Variants in CACNA1E observed in about 807,000 individuals in gnomAD.
CACNA1E encodes the protein voltage-dependent R-type calcium channel subunit alpha-1E.
A neutral mutation model predicts 259.2 loss-of-function variants in CACNA1E; 40 were observed. The observed-to-expected ratio is 0.15, with a 90% CI of 0.12 to 0.20. CACNA1E has a LOEUF of 0.20. Ranked by LOEUF, CACNA1E falls within the 10% of genes least tolerant of loss-of-function variation. The pLI is 1.00. For synonymous variants in CACNA1E, 1,104 were observed against 1,138.5 expected (o/e 0.97, Z 0.61); for missense variants, 1,874 against 3,040.1 (o/e 0.62, Z 9.02).
In CACNA1E at chr1:181,669,515, T is replaced by C. The variant is rs570274004; in HGVS notation, c.1055+18074T>C. On this transcript the variant is annotated intron_variant, in intron 7 of 47. Transcript: ENST00000367573. The stretch of plus-strand genomic sequence containing the variant: ...TCATCTGGGTTCCCATTGCACTATA[T>C]ATACTCCTCTATTAGAGCACTCGTT... Among the ~76,000 whole-genome samples the C allele has an allele frequency of 3.9e-5, 6 of 152,360 alleles. No homozygotes were observed. The East Asian group carries it at 1.2e-3, about 29-fold the overall frequency.
At chr1:181,424,755 C>T (rs1659029420) in intron 2 of CACNA1E, among the ~76,000 whole-genome samples, 1 of 152,200 alleles carries the variant, frequency 6.6e-6, no homozygotes, top group East Asian at 1.9e-4. Flanking sequence ...CCAGTTCTTC[C>T]CTTCTAAGGC....
chr1:181,732,432 C>T lies in CACNA1E; in HGVS notation c.2346C>T (p.Thr782=). ...ACATGTCCGTGTGGGAGCAGCGTAC[C>T]AGCCAGCTGAGGAAGCACATGCAGA... is the stretch of plus-strand genomic sequence containing the variant. The part of the protein sequence containing the change: ...RHHMSVWEQR[T]SQLRKHMQMS... Residue 782 remains threonine (T), a synonymous_variant, in exon 20 of 48, where the codon ACC becomes ACT. Transcript: ENST00000367573. The surrounding 1 kb of genome is among the most constrained non-coding windows in gnomAD (Gnocchi z 5.5). 6.5e-7 allele frequency: 1 copy of T among 1,547,748 alleles called. No individual in the cohort carries two copies. The highest frequency in any genetic ancestry group is 1.2e-5 in the South Asian group (1 of 83,416).
intron 7 of CACNA1E, among the ~76,000 whole-genome samples, chr1:181,670,515 G>A (rs1399726213): frequency 6.6e-6 from 1 of 152,166 alleles, no homozygotes; most frequent in East Asian, 1.9e-4. Flanking sequence ...GAGATGCCGT[G>A]TTCCACAGAG....
At chr1:181,515,826 G>T (rs562700205) in intron 3 of CACNA1E, among the ~76,000 whole-genome samples, 28 of 152,320 alleles carry the variant, frequency 1.8e-4, no homozygotes, top group African/African-American at 6.5e-4. Flanking sequence ...TATATGCCCA[G>T]TGCCTGGCAT....
intron 3 of CACNA1E, among the ~76,000 whole-genome samples, chr1:181,544,659 C>G (rs1647263280): frequency 6.6e-6 from 1 of 152,104 alleles, no homozygotes; most frequent in South Asian, 2.1e-4. Flanking sequence ...CACCCTTCTC[C>G]CCCTCCTTCA....
chr1:181,512,305 T>C (rs1666231868), intron 3 of CACNA1E, among the ~76,000 whole-genome samples: 1 of 152,188 alleles, frequency 6.6e-6, no homozygotes, highest in African/African-American at 2.4e-5. Context: ...CAGGTGGCTC[T>C]TGGTACCTGC....
intron 3 of CACNA1E, among the ~76,000 whole-genome samples, chr1:181,526,238 C>T (rs1667347981): frequency 6.6e-6 from 1 of 152,050 alleles, no homozygotes; most frequent in African/African-American, 2.4e-5. Flanking sequence ...ATAATCACTA[C>T]TAGATGAGGA....
intron 6 of CACNA1E, among the ~76,000 whole-genome samples, chr1:181,641,697 TTTTTTG>T (rs1657764103): frequency 4.7e-5 from 5 of 106,872 alleles, no homozygotes; most frequent in African/African-American, 1.8e-4. Context: ...GCAACACTAA[TTTTTTG>T]TTTTTTTTTT....
chr1:181,539,249 C>G (rs1483834816), intron 3 of CACNA1E, among the ~76,000 whole-genome samples: 1 of 152,198 alleles, frequency 6.6e-6, no homozygotes, highest in Non-Finnish European at 1.5e-5. Context: ...TTAGTATCTC[C>G]TCCACTACAT....
At chr1:181,608,345 A>G (rs1000976168) in intron 6 of CACNA1E, among the ~76,000 whole-genome samples, 3 of 152,332 alleles carry the variant, frequency 2.0e-5, no homozygotes, top group East Asian at 1.9e-4. Flanking sequence ...GAGAATACCT[A>G]TGGAGCAGTT....
At chr1:181,645,153 C>T (rs925045253) in intron 6 of CACNA1E, among the ~76,000 whole-genome samples, 1 of 152,088 alleles carries the variant, frequency 6.6e-6, no homozygotes, top group Non-Finnish European at 1.5e-5. Context: ...TCAGCACATG[C>T]AGGAAAGTGT....
chr1:181,716,087 C>T lies in CACNA1E; in HGVS notation c.1273C>T (p.Arg425Ter), dbSNP rs1329728765. Residue 425 changes from arginine (R) to a stop codon, truncating the protein, a stop_gained, in exon 10 of 48, where the codon CGA becomes TGA. Transcript: ENST00000367573. LOFTEE classifies it high-confidence loss of function. ...GAGGAGCCGGACAGAGGCCATGACT[C>T]GAGACTCCAGTGATGAGCACTGTGT... ...IKRSRTEAMT[R>*]DSSDEHCVDI... is the part of the protein sequence containing the mutation. The T allele has an allele frequency of 1.3e-6, 2 of 1,573,466 alleles. No individual in the cohort carries two copies. Among genetic ancestry groups the T allele is most frequent in the East Asian group, 2.3e-5 (1 of 42,734 alleles).
chr1:181,736,324 C>G lies in CACNA1E; in HGVS notation c.3312C>G (p.Ile1104Met). 2.5e-6 allele frequency: 4 copies of G among 1,604,708 alleles called. No individual in the cohort carries two copies. Among genetic ancestry groups the G allele is most frequent in the Non-Finnish European group, 3.4e-6 (4 of 1,175,338 alleles). Residue 1104 changes from isoleucine (I) to methionine (M), a missense_variant, in exon 22 of 48, where the codon ATC (isoleucine) becomes ATG (methionine). This residue lies in a region of CACNA1E where 476 missense variants were observed against 514.0 expected (regional missense o/e 0.93). Transcript: ENST00000367573. The stretch of plus-strand genomic sequence containing the variant: ...CCAGTCCCTTGAAGGAGGCAGAGAT[C>G]AGAGAGGATGAGGAGGAGGTGGAGA... ...GEASPLKEAE[I>M]REDEEEVEKK...
At chr1:181,790,660 G>GTAGTT in intron 44 of CACNA1E, 104 bp downstream of exon 44, 1 of 789,814 alleles carries the variant, frequency 1.3e-6, no homozygotes, top group South Asian at 1.6e-5. Context: ...ATCCATTCTA[G>GTAGTT]TAGTTTAGCC....
At chr1:181,577,677 G>T in intron 3 of CACNA1E, 89 bp from the exon 4 acceptor site, 1 of 804,304 alleles carries the variant, frequency 1.2e-6, no homozygotes, top group East Asian at 2.8e-5. Context: ...TGCTTTCCAG[G>T]CTGAGCTTGC....
At chr1:181,764,974 A>G (rs184166512) in intron 34 of CACNA1E, among the ~76,000 whole-genome samples, 3 of 152,330 alleles carry the variant, frequency 2.0e-5, no homozygotes, top group Admixed American at 2.0e-4. Context: ...AGAACAGGGA[A>G]GACAGGTGAA....
chr1:181,652,621 T>G (rs530685443), intron 7 of CACNA1E, among the ~76,000 whole-genome samples: 1 of 152,274 alleles, frequency 6.6e-6, no homozygotes, highest in East Asian at 1.9e-4. Context: ...GGCTCAGGAA[T>G]TGGAGACACC....
intron 1 of CACNA1E, among the ~76,000 whole-genome samples, chr1:181,402,328 T>G (rs1018660990): frequency 6.6e-6 from 1 of 152,098 alleles, no homozygotes; most frequent in Non-Finnish European, 1.5e-5. Context: ...GACAGAGGTA[T>G]AAGTGGTGAG....
chr1:181,554,002 C>A (rs191347405), intron 3 of CACNA1E, among the ~76,000 whole-genome samples: 1 of 152,112 alleles, frequency 6.6e-6, no homozygotes, highest in Admixed American at 6.5e-5. Context: ...ATAGCAAAGT[C>A]AGTATTTGAA....
Sources: gnomAD v4.1 joint callset for allele counts (sites outside exome capture counted in the v4.1 genomes callset) on GRCh38, gnomAD v4.1.1 for gene constraint, gnomAD v4.1.1 regional missense constraint, Gnocchi (gnomAD v3.1) non-coding constraint, MANE v1.5 for transcripts, NCBI Gene and HGNC (gene_info 2026-07-23, HGNC 2026-07-21) for gene names.